RPSA: variants seen among roughly 807,000 people sequenced by gnomAD.
The protein encoded by RPSA is small ribosomal subunit protein uS2.
For synonymous variants in RPSA, 103 were observed against 126.7 expected (o/e 0.81, Z 1.25); for missense variants, 140 against 372.8 (o/e 0.38, Z 5.14).
intron 6 of RPSA, 94 bp downstream of exon 6, chr3:39,412,155 T>G: frequency 7.1e-7 from 1 of 1,411,200 alleles, no homozygotes. Context: ...TATACTAGCT[T>G]TAAGAGGTTT....
intron 3 of RPSA, 118 bp from the exon 4 acceptor site, chr3:39,410,636 G>A (rs2041992494): frequency 8.8e-7 from 1 of 1,141,024 alleles, no homozygotes; most frequent in Non-Finnish European, 1.3e-6. Flanking sequence ...AGCTGGGTAT[G>A]TGCCTGCTTT....
intron 1 of RPSA, among the ~76,000 whole-genome samples, 199 bp from the exon 2 acceptor site, chr3:39,407,422 G>A (rs1357685472): frequency 6.6e-6 from 1 of 152,034 alleles, no homozygotes; most frequent in Middle Eastern, 3.2e-3. Flanking sequence ...CGGTTACTCT[G>A]CCGTCCACAC....
At position 39,407,459 on chromosome 3, in the gene RPSA, T is replaced by C. The variant is rs551149469; in HGVS notation, c.-33-162T>C. ...ATTTCCTCAGTAAGATGTGCGCTGT[T>C]CCGTAATACACGACATGTATGGGTT... On this transcript the variant is annotated intron_variant, in intron 1 of 6. Coordinates refer to ENST00000301821, the MANE Select transcript of RPSA (RefSeq NM_002295.6). The C allele has an allele frequency of 3.9e-5, 26 of 672,292 alleles. No homozygotes were observed. In the African/African-American group the frequency reaches 4.2e-4, roughly 11 times the overall value. The allele number at this position is 672,292 out of a possible 1,614,324, so 41.6% of individuals were successfully genotyped here. A position where few individuals can be genotyped will look rare whatever the true frequency, so the allele number is the denominator to read the frequency against.
chr3:39,407,068 G>T, intron 1 of RPSA: 1 of 453,182 alleles, frequency 2.2e-6, no homozygotes, highest in Non-Finnish European at 4.4e-6. Flanking sequence ...TATCCCTTCG[G>T]AGTCCCACAC....
In RPSA at chr3:39,410,564, A is replaced by G; in HGVS notation, c.253-190A>G. ...AGGTGCTCGGGATATATAGTAGAAA[A>G]ACAAGCCTGTCTTTTTTAATGTATG... On this transcript the variant is annotated intron_variant, in intron 3 of 6. Coordinates refer to ENST00000301821, the MANE Select transcript of RPSA (RefSeq NM_002295.6). The G allele has an allele frequency of 4.6e-6, 3 of 649,222 alleles. No individual in the cohort carries two copies. In the South Asian group the frequency reaches 5.5e-5, roughly 12 times the overall value. The allele number at this position is 649,222 out of a possible 1,614,324, so 40.2% of individuals were successfully genotyped here.
chr3:39,407,251 C>G (rs1179169606), intron 1 of RPSA, among the ~76,000 whole-genome samples: 2 of 152,234 alleles, frequency 1.3e-5, no homozygotes, highest in African/African-American at 4.8e-5. Context: ...TTGAAAATGT[C>G]TGAAAACAAT....
chr3:39,407,458 T>C (rs1475028055), intron 1 of RPSA, 163 bp from the exon 2 acceptor site: 2 of 670,176 alleles, frequency 3.0e-6, no homozygotes, highest in Non-Finnish European at 5.4e-6. Flanking sequence ...ATGTGCGCTG[T>C]TCCGTAATAC....
intron 4 of RPSA, 193 bp downstream of exon 4, chr3:39,411,192 A>T (rs747053686): frequency 1.3e-6 from 1 of 766,556 alleles, no homozygotes; most frequent in South Asian, 1.4e-5. Flanking sequence ...TTTGATAGTA[A>T]TTCTTGCTAC....
chr3:39,411,069 A>G (rs1265055111), intron 4 of RPSA, 70 bp downstream of exon 4: 5 of 1,572,370 alleles, frequency 3.2e-6, no homozygotes, highest in Non-Finnish European at 4.3e-6. Context: ...ACATTGTTAG[A>G]GCTTGGAGTT....
chr3:39,412,465 C>T lies in RPSA; in HGVS notation c.*97C>T. The T allele has an allele frequency of 1.4e-6, 1 of 701,502 alleles. No homozygotes were observed. The highest frequency in any genetic ancestry group is 1.7e-5 in the South Asian group (1 of 57,642). The allele number at this position is 701,502 out of a possible 1,614,324, so 43.5% of individuals were successfully genotyped here. ...TTGTCTTCATTTAGTTTGCTTTTTA[C>T]TCCAGATCAGAATACCTGGGATTGC... On this transcript the variant is annotated 3_prime_UTR_variant, in exon 7 of 7. Transcript: ENST00000301821.
At chr3:39,411,552 TGTACTTTTG>T in intron 4 of RPSA, 88 bp from the exon 5 acceptor site, 3 of 1,311,614 alleles carry the variant, frequency 2.3e-6, no homozygotes, top group Non-Finnish European at 3.2e-6. Flanking sequence ...AAGAGATGTC[TGTACTTTTG>T]GTACCTAGAT....
At chr3:39,410,334 C>T (rs529533144) in intron 3 of RPSA, 2 of 199,754 alleles carry the variant, frequency 1.0e-5, no homozygotes, top group African/African-American at 4.6e-5. Flanking sequence ...TGTAGTAAGA[C>T]TTTATTTCAA....
intron 3 of RPSA, 65 bp downstream of exon 3, chr3:39,408,789 G>C (rs2041958604): frequency 2.1e-6 from 2 of 933,898 alleles, no homozygotes; most frequent in Non-Finnish European, 1.8e-6. Flanking sequence ...GTGAGACATA[G>C]AAAGACATAA....
Position 39,412,486 on chromosome 3 carries a change from A to G in RPSA, c.*118A>G, listed in dbSNP as rs2042018800. On this transcript the variant is annotated 3_prime_UTR_variant, in exon 7 of 7. Coordinates refer to ENST00000301821, the MANE Select transcript of RPSA (RefSeq NM_002295.6). ...TTTACTCCAGATCAGAATACCTGGG[A>G]TTGCATATCAAAGCATAATAATAAA... is the stretch of plus-strand genomic sequence containing the variant. 1 of 632,900 alleles carries G rather than the reference A, an allele frequency of 1.6e-6. No homozygotes were observed. Among genetic ancestry groups the G allele is most frequent in the Non-Finnish European group, 2.8e-6 (1 of 359,796 alleles). 39.2% of individuals were successfully genotyped at this position (632,900 alleles called of 1,614,324 possible).
At position 39,408,627 on chromosome 3, in the gene RPSA, A is replaced by G. The variant is rs1319167851; in HGVS notation, c.155A>G (p.Lys52Arg). The change falls in exon 3 of 7, where the codon AAG (lysine) becomes AGG (arginine). Residue 52 changes from lysine (K) to arginine (R), a missense_variant. Physicochemically the swap from Lys to Arg is conservative, Grantham distance 26. Transcript: ENST00000301821. ...KSDGIYIINLKRTWEKLLLAA... is the reference protein window; with the variant it reads ...KSDGIYIINLRRTWEKLLLAA... ...TTAGGCATCTATATCATAAATCTCA[A>G]GAGGACCTGGGAGAAGCTTCTGCTG... 3.1e-6 allele frequency: 5 copies of G among 1,608,692 alleles called. No individual in the cohort carries two copies. Among genetic ancestry groups the G allele is most frequent in the Non-Finnish European group, 3.4e-6 (4 of 1,175,166 alleles).
intron 3 of RPSA, chr3:39,408,994 A>C: frequency 2.7e-6 from 1 of 366,642 alleles, no homozygotes; most frequent in Non-Finnish European, 5.1e-6. Flanking sequence ...GCCAAAGTGG[A>C]GAATGGCGTG....
Position 39,411,596 on chromosome 3 carries a change from G to A in RPSA, c.499-53G>A, listed in dbSNP as rs2042006144. The A allele has an allele frequency of 1.9e-6, 3 of 1,602,140 alleles. No homozygotes were observed. The Admixed American group carries it at 5.0e-5, about 27-fold the overall frequency. On this transcript the variant is annotated intron_variant, in intron 4 of 6. Transcript: ENST00000301821. ...TGATGTAAGAGCCAGGAAGGTGCTT[G>A]CTGTTTGGGTTTGACCAAGTGTCAC...
intron 3 of RPSA, chr3:39,409,001 C>A (rs1187741056): frequency 5.8e-6 from 2 of 347,104 alleles, no homozygotes; most frequent in Non-Finnish European, 1.1e-5. Flanking sequence ...TGGAGAATGG[C>A]GTGAACCCGG....
Position 39,410,804 on chromosome 3 carries a change from C to T in RPSA, c.303C>T (p.Gly101=). The change falls in exon 4 of 7, where the codon GGC becomes GGT. Residue 101 remains glycine, a synonymous_variant. Transcript: ENST00000301821. ...CCACTGGAGCCACTCCAATTGCTGG[C>T]CGCTTCACTCCTGGAACCTTCACTA... ...AAATGATPIA[G]RFTPGTFTNQ... 1 of 1,611,714 alleles carries T rather than the reference C, an allele frequency of 6.2e-7. No homozygotes were observed. The highest frequency in any genetic ancestry group is 8.5e-7 in the Non-Finnish European group (1 of 1,179,380).
Sources: allele counts gnomAD v4.1 joint callset (sites outside exome capture counted in the v4.1 genomes callset), GRCh38; gene constraint gnomAD v4.1.1; transcripts MANE v1.5; gene names NCBI Gene and HGNC (gene_info 2026-07-23, HGNC 2026-07-21).